RYR3: variants seen among roughly 807,000 people sequenced by gnomAD.
RYR3 encodes the protein brain ryanodine receptor-calcium release channel.
A neutral mutation model predicts 584.3 loss-of-function variants in RYR3; 207 were observed. That is an observed-to-expected ratio of 0.35 (90% CI 0.32 to 0.40). RYR3 has a LOEUF of 0.40. RYR3 is among the 10% of genes least tolerant of loss of function. RYR3 has a pLI of 1.00. For missense variants in RYR3, 5,616 were observed against 6,089.2 expected (o/e 0.92, Z 2.59); for synonymous variants, 2,416 against 2,248.5 (o/e 1.07, Z -2.11).
intron 24 of RYR3, among the ~76,000 whole-genome samples, chr15:33,633,473 C>T (rs1030714404): frequency 1.1e-4 from 16 of 152,310 alleles, no homozygotes; most frequent in Admixed American, 9.8e-4. Context: ...AGCTTGAAAC[C>T]CAGAGCACAG....
Position 33,834,442 on chromosome 15 carries a change from G to T in RYR3, c.11464-526G>T, listed in dbSNP as rs150890001. 1.6e-4 allele frequency among the ~76,000 whole-genome samples: 25 copies of T among 151,694 alleles called. 1 individual carries two copies. Among genetic ancestry groups the T allele is most frequent in the Admixed American group, 3.9e-4 (6 of 15,222 alleles). On this transcript the variant is annotated intron_variant, in intron 86 of 103. Transcript: ENST00000634891. ...GGTTAATAAGAAAATCCTAGACGTG[G>T]TTGAATGCTAAGATTATTACACAGA...
At position 33,659,926 on chromosome 15, in the gene RYR3, C is replaced by T. The variant is rs138289184; in HGVS notation, c.4395+120C>T. On this transcript the variant is annotated intron_variant, in intron 33 of 103. Coordinates refer to ENST00000634891, the MANE Select transcript of RYR3 (RefSeq NM_001036.6). ...CTGTTCACTTCCCATAAGCCCCCCA[C>T]CCCCAGGCCCTGCCCTTTCCTGTGG... is the stretch of plus-strand genomic sequence containing the variant. 228 of 708,980 alleles carry T rather than the reference C, an allele frequency of 3.2e-4. 1 individual carries two copies. In the East Asian group the frequency reaches 5.4e-3, roughly 17 times the overall value. The allele number at this position is 708,980 out of a possible 1,614,324, so 43.9% of individuals were successfully genotyped here.
intron 1 of RYR3, among the ~76,000 whole-genome samples, chr15:33,443,188 G>A (rs2046364648): frequency 6.6e-6 from 1 of 151,932 alleles, no homozygotes; most frequent in East Asian, 1.9e-4. Flanking sequence ...GAACTAGGGA[G>A]GAGGAGGTTG....
chr15:33,374,983 T>G (rs2040616788), intron 1 of RYR3, among the ~76,000 whole-genome samples: 2 of 152,220 alleles, frequency 1.3e-5, no homozygotes, highest in African/African-American at 4.8e-5. Flanking sequence ...TTATTAATAG[T>G]ATAGCTATTT....
Position 33,660,189 on chromosome 15 carries a change from T to C in RYR3, c.4396-8T>C. On this transcript the variant is annotated splice_region_variant and splice_polypyrimidine_tract_variant and intron_variant, in intron 33 of 103. Coordinates refer to ENST00000634891, the MANE Select transcript of RYR3 (RefSeq NM_001036.6). ...TTTCTTTTCCAATGCCTTTCCCACG[T>C]GCCCCAGAACGCAATGCCCCTGTCA... 1 of 1,544,012 alleles carries C rather than the reference T, an allele frequency of 6.5e-7. No individual in the cohort carries two copies. The highest frequency in any genetic ancestry group is 8.8e-7 in the Non-Finnish European group (1 of 1,140,450).
chr15:33,579,894 G>T, intron 12 of RYR3, 82 bp from the exon 13 acceptor site: 1 of 1,107,844 alleles, frequency 9.0e-7, no homozygotes, highest in Middle Eastern at 2.2e-4. Flanking sequence ...GTGGGGGGCT[G>T]TTAGGAGTGG....
chr15:33,383,960 G>A (rs1304056301), intron 1 of RYR3, among the ~76,000 whole-genome samples: 1 of 152,196 alleles, frequency 6.6e-6, no homozygotes, highest in Non-Finnish European at 1.5e-5. Context: ...GTCCTTTGTA[G>A]CAACATGGGT....
intron 1 of RYR3, among the ~76,000 whole-genome samples, chr15:33,350,855 A>T (rs942041526): frequency 2.6e-5 from 4 of 152,120 alleles, no homozygotes; most frequent in African/African-American, 9.7e-5. Flanking sequence ...AAAGAACTAG[A>T]AAAGCAAGAG....
In RYR3 at chr15:33,858,071, C is replaced by CCAAA. The variant is rs1335868857; in HGVS notation, c.14142+160_14142+163dup. 1.1e-5 allele frequency: 11 copies of CCAAA among 957,332 alleles called. No homozygotes were observed. In the East Asian group the frequency reaches 2.4e-4, roughly 21 times the overall value. 59.3% of individuals were successfully genotyped at this position (957,332 alleles called of 1,614,324 possible). ...TTAAAGTAGAAGACAGATGTCTTCTCCAAACAGGAGAGTGTCCTGGGAAGA... is the reference window on the plus strand; with the variant it reads ...TTAAAGTAGAAGACAGATGTCTTCTCCAAACAAACAGGAGAGTGTCCTGGGAAGA... On this transcript the variant is annotated intron_variant, in intron 99 of 103. Transcript: ENST00000634891.
chr15:33,860,619 A>T lies in RYR3; in HGVS notation c.14324A>T (p.Glu4775Val). 1 of 1,592,918 alleles carries T rather than the reference A, an allele frequency of 6.3e-7. No homozygotes were observed. Among genetic ancestry groups the T allele is most frequent in the Non-Finnish European group, 8.6e-7 (1 of 1,168,516 alleles). The change falls in exon 101 of 104, where the codon GAG becomes GTG. Residue 4775 changes from glutamate (E) to valine (V), a missense_variant. Physicochemically the swap from Glu to Val is moderately radical, Grantham distance 121. Coordinates refer to ENST00000634891, the MANE Select transcript of RYR3 (RefSeq NM_001036.6). ...GGTCTTATTATTGATGCTTTCGGAG[A>T]GCTAAGAGACCAGCAGGAACAAGTA... is the stretch of plus-strand genomic sequence containing the variant. Reference protein sequence around the residue: ...IQGLIIDAFGELRDQQEQVRE... With the variant: ...IQGLIIDAFGVLRDQQEQVRE...
At chr15:33,848,181 T>G in intron 93 of RYR3, 110 bp from the exon 94 acceptor site, 1 of 1,366,016 alleles carries the variant, frequency 7.3e-7, no homozygotes, top group Non-Finnish European at 1.0e-6. Context: ...AATTCCACTA[T>G]AAGGAGATTG....
chr15:33,847,006 T>G (rs574302049), intron 93 of RYR3: 1 of 152,330 alleles, frequency 6.6e-6, no homozygotes, highest in African/African-American at 2.4e-5. Context: ...GAAGTTCTGT[T>G]TACGAGAGTA....
rs771564227 is a variant in RYR3 at position 33,700,981 on chromosome 15, C to T, written c.6384C>T (p.Ser2128=). 1.9e-6 allele frequency: 3 copies of T among 1,611,976 alleles called. No homozygotes were observed. Among genetic ancestry groups the T allele is most frequent in the Non-Finnish European group, 2.5e-6 (3 of 1,178,812 alleles). The change falls in exon 42 of 104, where the codon TCC becomes TCT. Residue 2128 remains serine, a synonymous_variant. Coordinates refer to ENST00000634891, the MANE Select transcript of RYR3 (RefSeq NM_001036.6). ...AATTCTCCCCTCCTCCCTCAGCCTC[C>T]CCGTCGATGAGGGGATCCACCCCGC... ...LLENSSVGLA[S]PSMRGSTPLD... is the part of the protein sequence containing the mutation.
chr15:33,615,814 G>A (rs146161761), intron 19 of RYR3, among the ~76,000 whole-genome samples: 316 of 152,312 alleles, frequency 2.1e-3, no homozygotes, highest in African/African-American at 7.4e-3. Flanking sequence ...CAAGAGAGGC[G>A]CTGTAAGCAC....
At chr15:33,851,489 C>G (rs1285760595) in intron 94 of RYR3, 1 of 152,108 alleles carries the variant, frequency 6.6e-6, no homozygotes, top group Non-Finnish European at 1.5e-5. Flanking sequence ...CAGATGTACT[C>G]TTTATTTATG....
At chr15:33,432,402 C>G (rs1325777549) in intron 1 of RYR3, among the ~76,000 whole-genome samples, 1 of 151,856 alleles carries the variant, frequency 6.6e-6, no homozygotes, top group East Asian at 1.9e-4. Context: ...GTAGCCTCAT[C>G]TGTTTGGGGA....
At position 33,854,716 on chromosome 15, in the gene RYR3, G is replaced by C. The variant is rs780509471; in HGVS notation, c.13861-50G>C. 4 of 1,557,268 alleles carry C rather than the reference G, an allele frequency of 2.6e-6. No individual in the cohort carries two copies. In the African/African-American group the frequency reaches 5.5e-5, roughly 21 times the overall value. On this transcript the variant is annotated intron_variant, in intron 97 of 103. Transcript: ENST00000634891. ...AATAAGAAAAAATGTTTTATAATGA[G>C]CACACTATGAGGCAAACATGCTTAA... is the stretch of plus-strand genomic sequence containing the variant.
intron 12 of RYR3, among the ~76,000 whole-genome samples, chr15:33,579,231 A>G (rs890618359): frequency 6.6e-6 from 1 of 152,180 alleles, no homozygotes; most frequent in African/African-American, 2.4e-5. Flanking sequence ...GGGTGAGGAA[A>G]GTCAGATGAA....
In RYR3 at chr15:33,838,584, A is replaced by G. The variant is rs1253800824; in HGVS notation, c.12604A>G (p.Ile4202Val). The change falls in exon 89 of 104, where the codon ATC becomes GTC. Residue 4202 changes from isoleucine to valine, a missense_variant. By Grantham distance (29) the Ile-to-Val change is conservative. Coordinates refer to ENST00000634891, the MANE Select transcript of RYR3 (RefSeq NM_001036.6). ...FVGLFQLLFT[I>V]LGGIFQILWS... is the part of the protein sequence containing the mutation. ...GGGGCTATTCCAGTTGCTCTTCACCATCCTGGGAGGAATCTTTCAGATCCT... is the reference window on the plus strand; with the variant it reads ...GGGGCTATTCCAGTTGCTCTTCACCGTCCTGGGAGGAATCTTTCAGATCCT... 1.2e-6 allele frequency: 2 copies of G among 1,613,922 alleles called. No individual in the cohort carries two copies. The highest frequency in any genetic ancestry group is 1.7e-6 in the Non-Finnish European group (2 of 1,179,876).
Sources: gnomAD v4.1 joint callset for allele counts (sites outside exome capture counted in the v4.1 genomes callset) on GRCh38, gnomAD v4.1.1 for gene constraint, MANE v1.5 for transcripts, NCBI Gene and HGNC (gene_info 2026-07-23, HGNC 2026-07-21) for gene names.